Variants in RABGAP1L observed in about 807,000 individuals in gnomAD.
The protein encoded by RABGAP1L is RAB GTPase activating protein 1 like, also known as rab GTPase-activating protein 1-like.
In RABGAP1L, 63 loss-of-function variants were observed where a neutral mutation model predicts 137.7. The ratio of observed to expected loss-of-function variants is 0.46; its 90% confidence interval spans 0.37 to 0.56. The LOEUF (loss-of-function observed/expected upper bound fraction) is 0.56. Among genes scored for constraint, RABGAP1L ranks in the 20% least tolerant of loss-of-function variants. The pLI is 0.00. For synonymous variants in RABGAP1L, 431 were observed against 433.7 expected, an observed-to-expected ratio of 0.99 and a Z score of 0.08; for missense variants, 1,095 against 1,244.0, an observed-to-expected ratio of 0.88 and a Z score of 1.80.
intron 19 of RABGAP1L, among the ~76,000 whole-genome samples, chr1:174,898,994 T>C (rs750886360): frequency 6.6e-5 from 10 of 152,134 alleles, no homozygotes; most frequent in Non-Finnish European, 1.2e-4. Flanking sequence ...TCTGATCTCA[T>C]CTAAATTTGA....
chr1:174,221,310 C>G, intron 3 of RABGAP1L, 146 bp downstream of exon 3: 1 of 641,496 alleles, frequency 1.6e-6, no homozygotes, highest in Non-Finnish European at 2.5e-6. Context: ...ATGTTTCTGC[C>G]TATATCTCTG....
chr1:174,405,860 C>T (rs542811797), intron 13 of RABGAP1L, among the ~76,000 whole-genome samples: 259 of 152,112 alleles, frequency 1.7e-3, no homozygotes, highest in Admixed American at 2.8e-3. Context: ...TGCTTGTAGT[C>T]CCAGCTACTT....
intron 13 of RABGAP1L, among the ~76,000 whole-genome samples, chr1:174,489,433 C>T (rs1317097089): frequency 6.6e-6 from 1 of 152,152 alleles, no homozygotes; most frequent in Admixed American, 6.5e-5. Context: ...AAAAAATGCT[C>T]ATCATCACTG....
At chr1:174,384,417 T>G (rs959936283) in intron 12 of RABGAP1L, among the ~76,000 whole-genome samples, 1 of 151,386 alleles carries the variant, frequency 6.6e-6, no homozygotes, top group African/African-American at 2.4e-5. Context: ...TTACTCTGTA[T>G]AAATTGTGCC....
chr1:174,641,693 G>T (rs988010226), intron 14 of RABGAP1L, among the ~76,000 whole-genome samples: 1 of 152,114 alleles, frequency 6.6e-6, no homozygotes, highest in Non-Finnish European at 1.5e-5. Context: ...AAAGCACTGG[G>T]CATCAGGAAA....
intron 14 of RABGAP1L, among the ~76,000 whole-genome samples, chr1:174,652,765 G>T (rs1225505581): frequency 2.6e-5 from 4 of 152,182 alleles, no homozygotes; most frequent in African/African-American, 9.6e-5. Context: ...CAGTCAGGAG[G>T]CACAGGGGTC....
At chr1:174,804,274 G>GTTTTTTGTTTTTT (rs1553254975) in intron 18 of RABGAP1L, among the ~76,000 whole-genome samples, 48 of 138,202 alleles carry the variant, frequency 3.5e-4, no homozygotes, top group East Asian at 2.6e-3. Flanking sequence ...GTTTTGTTTT[G>GTTTTTTGTTTTTT]TTTTTTGTTT....
At chr1:174,670,416 T>G (rs1677087650) in intron 14 of RABGAP1L, among the ~76,000 whole-genome samples, 2 of 152,172 alleles carry the variant, frequency 1.3e-5, no homozygotes. Context: ...ACCCTTTTAG[T>G]TATTTTAAAA....
At chr1:174,635,237 C>G (rs887154944) in intron 13 of RABGAP1L, among the ~76,000 whole-genome samples, 17 of 152,102 alleles carry the variant, frequency 1.1e-4, no homozygotes, top group Non-Finnish European at 2.5e-4. Context: ...CGATTTCTCT[C>G]TCTTAATGTC....
At chr1:174,777,823 C>T (rs1686651851) in intron 18 of RABGAP1L, among the ~76,000 whole-genome samples, 1 of 151,844 alleles carries the variant, frequency 6.6e-6, no homozygotes, top group African/African-American at 2.4e-5. Context: ...GAAAACATAG[C>T]AATTGAAACT....
Position 174,664,730 on chromosome 1 carries a change from C to CTTTTTTTTTTTTTTT in RABGAP1L, c.1825-18789_1825-18788insTTTTTTTTTTTTTTT, listed in dbSNP as rs747671420. On this transcript the variant is annotated intron_variant, in intron 14 of 25. Coordinates refer to ENST00000681986, the MANE Select transcript of RABGAP1L (RefSeq NM_001366446.1). ...CTCTCTCTTTCTTTCTTTCTTTCTG[C>CTTTTTTTTTTTTTTT]TTTCTTTTTTTTTTTTTTTTTTTTT... is the stretch of plus-strand genomic sequence containing the variant. 1.4e-3 allele frequency among the ~76,000 whole-genome samples: 137 copies of CTTTTTTTTTTTTTTT among 98,862 alleles called. 26 individuals are homozygous for CTTTTTTTTTTTTTTT. Among genetic ancestry groups the CTTTTTTTTTTTTTTT allele is most frequent in the African/African-American group, 7.4e-3 (115 of 15,644 alleles). The allele number at this position is 98,862 out of a possible 152,430, so 64.9% of individuals were successfully genotyped here.
chr1:174,231,400 G>C, intron 4 of RABGAP1L, 45 bp downstream of exon 4: 2 of 1,546,420 alleles, frequency 1.3e-6, no homozygotes, highest in Non-Finnish European at 1.8e-6. Flanking sequence ...TAAGTCTTTT[G>C]GGTGGTGGTG....
intron 10 of RABGAP1L, among the ~76,000 whole-genome samples, chr1:174,303,678 CTT>C (rs1677938257): frequency 6.6e-6 from 1 of 151,914 alleles, no homozygotes; most frequent in Admixed American, 6.6e-5. Flanking sequence ...TAAAAATACA[CTT>C]ATTTGAAACT....
chr1:174,310,370 C>T (rs889026199), intron 11 of RABGAP1L, among the ~76,000 whole-genome samples: 4 of 152,114 alleles, frequency 2.6e-5, no homozygotes, highest in African/African-American at 9.7e-5. Context: ...TGTGGCCTAA[C>T]ATATGATCTG....
chr1:174,551,654 G>C (rs969332317), intron 13 of RABGAP1L, among the ~76,000 whole-genome samples: 1 of 151,638 alleles, frequency 6.6e-6, no homozygotes, highest in Non-Finnish European at 1.5e-5. Context: ...AAATAAACCC[G>C]AAGTAAGCAT....
At chr1:174,879,777 C>T (rs1428165520) in intron 19 of RABGAP1L, among the ~76,000 whole-genome samples, 1 of 152,064 alleles carries the variant, frequency 6.6e-6, no homozygotes, top group Non-Finnish European at 1.5e-5. Context: ...AGATATAAAA[C>T]TGTAATATAA....
intron 15 of RABGAP1L, among the ~76,000 whole-genome samples, chr1:174,688,160 A>G (rs1318310555): frequency 1.7e-4 from 26 of 152,154 alleles, no homozygotes; most frequent in Admixed American, 1.6e-3. Flanking sequence ...TTCTAATTTC[A>G]TAATCATGAT....
intron 17 of RABGAP1L, among the ~76,000 whole-genome samples, chr1:174,718,995 A>G (rs1167017718): frequency 6.6e-6 from 1 of 151,686 alleles, no homozygotes. Context: ...ATGTGCTACT[A>G]TGCCTGGATA....
chr1:174,962,204 C>CG (rs200396709), intron 20 of RABGAP1L, among the ~76,000 whole-genome samples: 1,576 of 125,654 alleles, frequency 0.013, 279 homozygotes, highest in African/African-American at 0.045. Context: ...ACACCCCCCC[C>CG]CCACACACAC....
Sources: gnomAD v4.1 joint callset for allele counts (sites outside exome capture counted in the v4.1 genomes callset) on GRCh38, gnomAD v4.1.1 for gene constraint, MANE v1.5 for transcripts, NCBI Gene and HGNC (gene_info 2026-07-23, HGNC 2026-07-21) for gene names.